THADA: variants seen among roughly 807,000 people sequenced by gnomAD.
The protein encoded by THADA is tRNA (32-2'-O)-methyltransferase regulator THADA.
In THADA, 213 loss-of-function variants were observed where a neutral mutation model predicts 219.8. That is an observed-to-expected ratio of 0.97 (90% CI 0.87 to 1.09). The LOEUF (loss-of-function observed/expected upper bound fraction) is 1.09, where lower values mean the gene tolerates loss of function less well. Ranked by LOEUF, THADA falls within the 50% of genes least tolerant of loss-of-function variation. THADA has a pLI of 0.00. For synonymous variants in THADA, 1,018 were observed against 828.9 expected (o/e 1.23, Z -3.92); for missense variants, 2,956 against 2,311.3 (o/e 1.28, Z -5.72).
At chr2:43,344,746 G>T (rs10196095) in intron 29 of THADA, among the ~76,000 whole-genome samples, 2 of 151,304 alleles carry the variant, frequency 1.3e-5, no homozygotes, top group African/African-American at 4.9e-5. Context: ...AGTGATGTTT[G>T]TAACTATTTA....
rs567870769 is a variant in THADA at position 43,277,452 on chromosome 2, C to A, written c.5296+2313G>T. Among the ~76,000 whole-genome samples the A allele has an allele frequency of 8.6e-4, 131 of 152,322 alleles. 2 individuals carry two copies. The South Asian group carries it at 0.026, about 30-fold the overall frequency. ...TGTTCTGCTCTCATTTGTGTCACATCTCTCCCTTCCTTTGGGCCCACTCCA... is the reference window on the plus strand; with the variant it reads ...TGTTCTGCTCTCATTTGTGTCACATATCTCCCTTCCTTTGGGCCCACTCCA... On this transcript the variant is annotated intron_variant, in intron 36 of 37. Transcript: ENST00000405975.
intron 1 of THADA, among the ~76,000 whole-genome samples, chr2:43,593,529 A>G (rs1424907600): frequency 6.6e-6 from 1 of 152,170 alleles, no homozygotes; most frequent in African/African-American, 2.4e-5. Context: ...AGTTAACCAA[A>G]GGTGTTTGGC....
chr2:43,412,381 C>A (rs1168609236), intron 28 of THADA, among the ~76,000 whole-genome samples: 1 of 152,106 alleles, frequency 6.6e-6, no homozygotes. Flanking sequence ...TACTGTTTAA[C>A]TTTTGGGTGC....
chr2:43,425,449 T>G (rs1406139598), intron 28 of THADA, among the ~76,000 whole-genome samples: 1 of 67,534 alleles, frequency 1.5e-5, no homozygotes. Context: ...AAATTGTATG[T>G]GTGTGTGTGT....
At chr2:43,590,763 C>T in intron 4 of THADA, 61 bp downstream of exon 4, 1 of 1,558,382 alleles carries the variant, frequency 6.4e-7, no homozygotes, top group East Asian at 2.3e-5. Context: ...GAAGGAACTT[C>T]AGTTACTTTT....
intron 30 of THADA, among the ~76,000 whole-genome samples, chr2:43,332,578 T>G (rs544260809): frequency 1.3e-5 from 2 of 152,332 alleles, no homozygotes; most frequent in East Asian, 3.9e-4. Context: ...GTAACAAAGG[T>G]GTTAATTTAT....
At chr2:43,438,600 GA>G (rs1285713425) in intron 26 of THADA, among the ~76,000 whole-genome samples, 1 of 152,126 alleles carries the variant, frequency 6.6e-6, no homozygotes, top group Non-Finnish European at 1.5e-5. Flanking sequence ...AACAAAACAT[GA>G]GTAAACTGTA....
At chr2:43,364,325 C>T (rs949229298) in intron 29 of THADA, among the ~76,000 whole-genome samples, 1 of 152,160 alleles carries the variant, frequency 6.6e-6, no homozygotes, top group Non-Finnish European at 1.5e-5. Context: ...TTGACTTCTC[C>T]TAACTCAAAT....
chr2:43,420,925 A>C (rs1350900596), intron 28 of THADA, among the ~76,000 whole-genome samples: 2 of 152,242 alleles, frequency 1.3e-5, no homozygotes, highest in Non-Finnish European at 2.9e-5. Flanking sequence ...AGTGCTAGGC[A>C]CAGTAAAAAG....
Position 43,428,150 on chromosome 2 carries a change from A to G in THADA, c.4008T>C (p.Asp1336=), listed in dbSNP as rs755410323. ...VLERLYASPM[D]GTSSALSMGP... Reference sequence around the variant, plus strand: ...CCATGCTGAGAGCAGAAGAAGTACCATCCATCGGGGAAGCGTAGAGTCTCT... The same window carrying G: ...CCATGCTGAGAGCAGAAGAAGTACCGTCCATCGGGGAAGCGTAGAGTCTCT... The change falls in exon 28 of 38, where the codon GAT becomes GAC. Residue 1336 remains aspartate (D), a synonymous_variant. Coordinates refer to ENST00000405975, the MANE Select transcript of THADA (RefSeq NM_022065.5). 1 of 1,611,390 alleles carries G rather than the reference A, an allele frequency of 6.2e-7. No homozygotes were observed. Among genetic ancestry groups the G allele is most frequent in the Non-Finnish European group, 8.5e-7 (1 of 1,178,472 alleles).
intron 36 of THADA, among the ~76,000 whole-genome samples, chr2:43,257,089 C>G (rs1438251146): frequency 6.6e-6 from 1 of 152,156 alleles, no homozygotes; most frequent in East Asian, 1.9e-4. Flanking sequence ...GTAGAGGTCC[C>G]TCTGTTGGTG....
At chr2:43,536,130 A>C (rs1211050263) in intron 21 of THADA, among the ~76,000 whole-genome samples, 1 of 152,040 alleles carries the variant, frequency 6.6e-6, no homozygotes, top group African/African-American at 2.4e-5. Context: ...TTTTGTATAG[A>C]GTGAGAGGTG....
At chr2:43,248,156 TATATATATAGAGAGAG>T (rs1401911998) in intron 36 of THADA, among the ~76,000 whole-genome samples, 51 of 76,028 alleles carry the variant, frequency 6.7e-4, no homozygotes, top group South Asian at 9.6e-4. Flanking sequence ...TATATATATA[TATATATATAGAGAGAG>T]AGAGAGAGAG....
chr2:43,540,189 A>G (rs1695116293), intron 21 of THADA, among the ~76,000 whole-genome samples: 1 of 152,218 alleles, frequency 6.6e-6, no homozygotes, highest in African/African-American at 2.4e-5. Flanking sequence ...AATGACTGCA[A>G]GTAACTCTAG....
chr2:43,428,309 G>C, intron 27 of THADA, 78 bp from the exon 28 acceptor site: 1 of 1,405,086 alleles, frequency 7.1e-7, no homozygotes, highest in Non-Finnish European at 9.6e-7. Context: ...TTTTTCTCAT[G>C]AAATAATTAT....
chr2:43,578,462 A>C, intron 9 of THADA, 51 bp downstream of exon 9: 1 of 1,461,676 alleles, frequency 6.8e-7, no homozygotes, highest in African/African-American at 1.4e-5. Flanking sequence ...TATTTTTTAA[A>C]CATACCCTAA....
intron 4 of THADA, 30 bp from the exon 5 acceptor site, chr2:43,587,032 G>C: frequency 1.9e-6 from 3 of 1,597,518 alleles, no homozygotes; most frequent in Non-Finnish European, 2.6e-6. Flanking sequence ...TTAAAAATCT[G>C]ACAATCTAAT....
At chr2:43,409,070 C>T (rs1003903453) in intron 28 of THADA, among the ~76,000 whole-genome samples, 8 of 152,172 alleles carry the variant, frequency 5.3e-5, no homozygotes, top group Admixed American at 2.6e-4. Flanking sequence ...AACCTCTTCT[C>T]TAGAATCTCA....
chr2:43,557,671 C>G (rs1558968346), intron 16 of THADA, among the ~76,000 whole-genome samples: 1 of 152,306 alleles, frequency 6.6e-6, no homozygotes, highest in Non-Finnish European at 1.5e-5. Context: ...GACATAAGTC[C>G]TAGTCCCAAC....
Sources: gnomAD v4.1 joint callset for allele counts (sites outside exome capture counted in the v4.1 genomes callset) on GRCh38, gnomAD v4.1.1 for gene constraint, MANE v1.5 for transcripts, NCBI Gene and HGNC (gene_info 2026-07-23, HGNC 2026-07-21) for gene names.